Variants in RNASEL observed in about 807,000 individuals in gnomAD.
RNASEL encodes ribonuclease L, also known as 2-5A-dependent ribonuclease.
A neutral mutation model predicts 50.9 loss-of-function variants in RNASEL; 36 were observed. That is an observed-to-expected ratio of 0.71 (90% CI 0.54 to 0.93). RNASEL has a LOEUF of 0.93. Among genes scored for constraint, RNASEL ranks in the 40% least tolerant of loss-of-function variants. The pLI is 0.00. For missense variants in RNASEL, 860 were observed against 894.5 expected, an observed-to-expected ratio of 0.96 and a Z score of 0.49; for synonymous variants, 335 against 335.6, an observed-to-expected ratio of 1.00 and a Z score of 0.02.
At chr1:182,575,739 A>C (rs753054070) in intron 6 of RNASEL, among the ~76,000 whole-genome samples, 161 bp from the exon 7 acceptor site, 2 of 152,232 alleles carry the variant, frequency 1.3e-5, no homozygotes, top group Non-Finnish European at 2.9e-5. Context: ...TGACTCTTCA[A>C]CTAATTGTGC....
chr1:182,575,564 A>G lies in RNASEL; in HGVS notation c.2054T>C (p.Ile685Thr), dbSNP rs1661363581. ...CTGAAAATACAGGGAAGGGTCTCCA[A>G]TTTTTAATTTCATCCTGAAATAAAA... ...EEKHKKMKLK[I>T]GDPSLYFQKT... is the part of the protein sequence containing the mutation. Residue 685 changes from isoleucine (I) to threonine (T), a missense_variant, in exon 7 of 7, where the codon ATT (isoleucine) becomes ACT (threonine). Physicochemically the swap from Ile to Thr is moderately conservative, Grantham distance 89. Coordinates refer to ENST00000367559, the MANE Select transcript of RNASEL (RefSeq NM_021133.4). 6.2e-7 allele frequency: 1 copy of G among 1,614,186 alleles called. No homozygotes were observed. Among genetic ancestry groups the G allele is most frequent in the Non-Finnish European group, 8.5e-7 (1 of 1,180,028 alleles).
chr1:182,585,257 T>C, intron 2 of RNASEL, 70 bp downstream of exon 2: 1 of 1,497,470 alleles, frequency 6.7e-7, no homozygotes, highest in Admixed American at 1.8e-5. Flanking sequence ...CTCTCTGCAA[T>C]GAAAAACTTT....
rs566377459 is a variant in RNASEL, at chr1:182,576,588, T to C, written c.1906-199A>G. 5.3e-5 allele frequency among the ~76,000 whole-genome samples: 8 copies of C among 152,228 alleles called. No individual in the cohort carries two copies. In the East Asian group the frequency reaches 1.4e-3, roughly 26 times the overall value. ...ATGCTAACTATAATTGTGTCTGGGCTGGGTGGGGTGGCTCACATCTGTAGT... is the reference window on the plus strand; with the variant it reads ...ATGCTAACTATAATTGTGTCTGGGCCGGGTGGGGTGGCTCACATCTGTAGT... On this transcript the variant is annotated intron_variant, in intron 5 of 6. Coordinates refer to ENST00000367559, the MANE Select transcript of RNASEL (RefSeq NM_021133.4).
In RNASEL at chr1:182,579,498, T is replaced by C; in HGVS notation, c.1905+1727A>G. On this transcript the variant is annotated intron_variant, in intron 5 of 6. Transcript: ENST00000367559. ...AGGTGCACTCTGTGCAGAACACCCG[T>C]GAGAAACGCCAAGCACGTATGTGTG... is the stretch of plus-strand genomic sequence containing the variant. 4.6e-6 allele frequency: 5 copies of C among 1,077,904 alleles called. No homozygotes were observed. The South Asian group carries it at 1.3e-4, about 27-fold the overall frequency. 66.8% of individuals were successfully genotyped at this position (1,077,904 alleles called of 1,614,324 possible). A position where few individuals can be genotyped will look rare whatever the true frequency, so the allele number is the denominator to read the frequency against.
At chr1:182,576,167 T>G (rs1661374202) in intron 6 of RNASEL, 89 bp downstream of exon 6, 6 of 1,393,822 alleles carry the variant, frequency 4.3e-6, no homozygotes, top group East Asian at 2.3e-5. Context: ...TAAATTTTCT[T>G]TTTTCCATCG....
rs775107841 is a variant in RNASEL at position 182,586,105 on chromosome 1, C to T, written c.702G>A (p.Val234=). ...GGGGAGTCTTCCCTCTTTCTCCCCT[C>T]ACATTGACATCAGCCCCATGGTCCA... ...LLLDHGADVN[V]RGERGKTPLI... Residue 234 remains valine (V), a synonymous_variant, in exon 2 of 7, where the codon GTG becomes GTA. Transcript: ENST00000367559. 6.2e-7 allele frequency: 1 copy of T among 1,614,168 alleles called. No individual in the cohort carries two copies. Among genetic ancestry groups the T allele is most frequent in the Non-Finnish European group, 8.5e-7 (1 of 1,180,032 alleles).
chr1:182,585,131 A>G (rs1433237359), intron 2 of RNASEL, among the ~76,000 whole-genome samples, 196 bp downstream of exon 2: 1 of 152,200 alleles, frequency 6.6e-6, no homozygotes, highest in East Asian at 1.9e-4. Flanking sequence ...ACCAACCTTC[A>G]TGTAGACTAA....
At chr1:182,579,615 T>C in intron 5 of RNASEL, 1 of 1,155,728 alleles carries the variant, frequency 8.7e-7, no homozygotes, top group South Asian at 1.7e-5. Context: ...TGTGTGACCA[T>C]GAAAATGGGC....
intron 6 of RNASEL, 77 bp from the exon 7 acceptor site, chr1:182,575,655 A>T (rs1367214107): frequency 6.4e-7 from 1 of 1,560,184 alleles, no homozygotes; most frequent in Non-Finnish European, 8.7e-7. Flanking sequence ...GGCCCTGAAG[A>T]TCTCTTTGCT....
chr1:182,576,462 A>G (rs1413212763), intron 5 of RNASEL, 73 bp from the exon 6 acceptor site: 5 of 1,143,738 alleles, frequency 4.4e-6, no homozygotes. Context: ...TTCATACCAA[A>G]AGGCAAAATA....
rs1661339866 is a variant in RNASEL at position 182,574,134 on chromosome 1, G to GT, written c.*1257dup. ...ATACATTATAAAGCACCAGAAAAAC[G>GT]TAAGACAGTATTATTATTCATGTAC... On this transcript the variant is annotated 3_prime_UTR_variant, in exon 7 of 7. Transcript: ENST00000367559. 4.6e-6 allele frequency: 1 copy of GT among 218,424 alleles called. No individual in the cohort carries two copies. The highest frequency in any genetic ancestry group is 1.9e-4 in the South Asian group (1 of 5,380). The allele number at this position is 218,424 out of a possible 1,614,324, so 13.5% of individuals were successfully genotyped here.
intron 3 of RNASEL, 123 bp from the exon 4 acceptor site, chr1:182,582,381 G>C: frequency 8.8e-7 from 1 of 1,139,710 alleles, no homozygotes; most frequent in Middle Eastern, 2.0e-4. Flanking sequence ...TTGTAGGCTT[G>C]TTAGGGAGGG....
intron 5 of RNASEL, chr1:182,579,986 G>A (rs1399884946): frequency 1.1e-5 from 5 of 456,618 alleles, no homozygotes; most frequent in Non-Finnish European, 2.2e-5. Context: ...AAAATTATTT[G>A]TCTGTGCCTC....
rs376992312 is a variant in RNASEL at position 182,582,284 on chromosome 1, A to G, written c.1567-26T>C. On this transcript the variant is annotated intron_variant, in intron 3 of 6. Coordinates refer to ENST00000367559, the MANE Select transcript of RNASEL (RefSeq NM_021133.4). ...CTGCACAAAAGCCATAAATCAAGCC[A>G]AAGATGCTTACTAATTATTTGGGTA... 8.4e-5 allele frequency: 136 copies of G among 1,613,284 alleles called. 1 individual carries two copies. Among genetic ancestry groups the G allele is most frequent in the Middle Eastern group, 1.6e-4 (1 of 6,082 alleles).
At chr1:182,580,165 C>G (rs535983035) in intron 5 of RNASEL, among the ~76,000 whole-genome samples, 1 of 152,316 alleles carries the variant, frequency 6.6e-6, no homozygotes, top group South Asian at 2.1e-4. Flanking sequence ...TTTGTTTCTA[C>G]AAGTTAAAAT....
At chr1:182,588,481 T>C (rs1661641456) in intron 1 of RNASEL, among the ~76,000 whole-genome samples, 1 of 152,230 alleles carries the variant, frequency 6.6e-6, no homozygotes, top group Non-Finnish European at 1.5e-5. Context: ...ACTACACGAA[T>C]AGGCAACTGG....
rs369423988 is a variant in RNASEL at position 182,575,832 on chromosome 1, AAT to A, written c.2040-256_2040-255del. On this transcript the variant is annotated intron_variant, in intron 6 of 6. Coordinates refer to ENST00000367559, the MANE Select transcript of RNASEL (RefSeq NM_021133.4). ...TGCAATGCCACAATCCTCTACCTAC[AAT>A]TCCAAAATCCAGAAGAGCCCTGAAC... Among the ~76,000 whole-genome samples the A allele has an allele frequency of 5.9e-4, 90 of 152,352 alleles. 1 individual carries two copies. The South Asian group carries it at 0.018, about 31-fold the overall frequency.
At chr1:182,579,715 C>T (rs1447092553) in intron 5 of RNASEL, 2 of 1,170,504 alleles carry the variant, frequency 1.7e-6, no homozygotes, top group Non-Finnish European at 2.1e-6. Context: ...AATATAAGCC[C>T]ATGGAATTTA....
At chr1:182,588,516 C>T (rs1228949087) in intron 1 of RNASEL, among the ~76,000 whole-genome samples, 2 of 152,206 alleles carry the variant, frequency 1.3e-5, no homozygotes, top group Non-Finnish European at 2.9e-5. Context: ...GTCCAACTGT[C>T]AATCAGATCT....
Sources: allele counts gnomAD v4.1 joint callset (sites outside exome capture counted in the v4.1 genomes callset), GRCh38; gene constraint gnomAD v4.1.1; transcripts MANE v1.5; gene names NCBI Gene and HGNC (gene_info 2026-07-23, HGNC 2026-07-21).